Variants in SLC30A4 observed in about 807,000 individuals in gnomAD.
SLC30A4 encodes probable proton-coupled zinc antiporter SLC30A4.
Under a neutral mutation model 41.7 loss-of-function variants are expected in SLC30A4, and 20 were observed. The observed-to-expected ratio is 0.48, with a 90% CI of 0.34 to 0.70. The LOEUF is 0.70. Among genes scored for constraint, SLC30A4 ranks in the 30% least tolerant of loss-of-function variants. The probability of loss-of-function intolerance (pLI) is 0.01; values close to 1 mark genes in which losing one functional copy is unlikely to be tolerated. For synonymous variants in SLC30A4, 181 were observed against 195.9 expected, an observed-to-expected ratio of 0.92 and a Z score of 0.64; for missense variants, 441 against 529.3, an observed-to-expected ratio of 0.83 and a Z score of 1.64.
Position 45,522,094 on chromosome 15 carries a change from C to CCTT in SLC30A4, c.260_261insAAG (p.Gln87_Leu88insArg). ...CACAGGAGTCCACCTTCAAACTCAG[C>CCTT]TGACTGTTGGTCAAAGGTAAGTCTT... On this transcript the variant is annotated inframe_insertion, in exon 2 of 8. Coordinates refer to ENST00000261867, the MANE Select transcript of SLC30A4 (RefSeq NM_013309.6). The CCTT allele has an allele frequency of 6.2e-7, 1 of 1,614,234 alleles. No individual in the cohort carries two copies. The highest frequency in any genetic ancestry group is 8.5e-7 in the Non-Finnish European group (1 of 1,180,044).
At chr15:45,503,143 G>A (rs776515053) in intron 3 of SLC30A4, among the ~76,000 whole-genome samples, 4 of 151,570 alleles carry the variant, frequency 2.6e-5, no homozygotes, top group Non-Finnish European at 5.9e-5. Flanking sequence ...TTAGATACAT[G>A]TATCAGCTGT....
chr15:45,490,629 T>A (rs374718634), intron 4 of SLC30A4, 99 bp downstream of exon 4: 2 of 738,842 alleles, frequency 2.7e-6, no homozygotes, highest in African/African-American at 1.8e-5. Flanking sequence ...ATATCATTTT[T>A]AAAATATCAA....
At chr15:45,513,359 C>T (rs1401635054) in intron 2 of SLC30A4, among the ~76,000 whole-genome samples, 1 of 151,544 alleles carries the variant, frequency 6.6e-6, no homozygotes. Context: ...GCATGTACCA[C>T]CATGCTCAGC....
intron 7 of SLC30A4, among the ~76,000 whole-genome samples, chr15:45,486,008 C>T (rs1891696486): frequency 2.0e-5 from 3 of 151,646 alleles, no homozygotes; most frequent in South Asian, 2.1e-4. Context: ...CGTGAGTCAA[C>T]GCGCCAGGCC....
chr15:45,485,691 T>C (rs929818301), intron 7 of SLC30A4, among the ~76,000 whole-genome samples: 9 of 152,022 alleles, frequency 5.9e-5, no homozygotes, highest in Middle Eastern at 3.4e-3. Context: ...TTTTCCTATG[T>C]AGAAAAGAGC....
intron 2 of SLC30A4, among the ~76,000 whole-genome samples, chr15:45,518,094 G>C (rs927238866): frequency 2.6e-5 from 4 of 152,230 alleles, no homozygotes; most frequent in African/African-American, 9.6e-5. Flanking sequence ...ACACATTGAA[G>C]CCAAACTGGC....
rs1439813601 is a variant in SLC30A4 at position 45,522,309 on chromosome 15, T to C, written c.46A>G (p.Lys16Glu). The stretch of plus-strand genomic sequence containing the variant: ...TTTAAAAACAGCGGCGCATCATCCT[T>C]CCTTAGCATAGATTTGAGGCGCTTC... ...AWKRLKSMLR[K>E]DDAPLFLNDT... is the part of the protein sequence containing the mutation. The change falls in exon 2 of 8, where the codon AAG (lysine) becomes GAG (glutamate). Residue 16 changes from lysine to glutamate, a missense_variant. By Grantham distance (56) the Lys-to-Glu change is moderately conservative. Coordinates refer to ENST00000261867, the MANE Select transcript of SLC30A4 (RefSeq NM_013309.6). 1.9e-6 allele frequency: 3 copies of C among 1,613,872 alleles called. No individual in the cohort carries two copies. Among genetic ancestry groups the C allele is most frequent in the Non-Finnish European group, 2.5e-6 (3 of 1,179,976 alleles).
chr15:45,488,962 G>A lies in SLC30A4; in HGVS notation c.773C>T (p.Ser258Phe). 1 of 1,614,122 alleles carries A rather than the reference G, an allele frequency of 6.2e-7. No individual in the cohort carries two copies. The highest frequency in any genetic ancestry group is 8.5e-7 in the Non-Finnish European group (1 of 1,179,978). ...CTGCCCATGGTTACGTTCACACCCA[G>A]AACCTCTGGTAGGGGAATTTGAAGG... is the stretch of plus-strand genomic sequence containing the variant. ...SLPSNSPTRG[S>F]GCERNHGQDS... is the part of the protein sequence containing the mutation. Residue 258 changes from serine (S) to phenylalanine (F), a missense_variant, in exon 5 of 8, where the codon TCT becomes TTT. Coordinates refer to ENST00000261867, the MANE Select transcript of SLC30A4 (RefSeq NM_013309.6).
chr15:45,511,402 A>G, intron 2 of SLC30A4, 118 bp from the exon 3 acceptor site: 1 of 622,112 alleles, frequency 1.6e-6, no homozygotes, highest in Non-Finnish European at 2.6e-6. Flanking sequence ...TCTTTATCCC[A>G]TTACAATTAA....
chr15:45,507,357 T>TA (rs778693344), intron 3 of SLC30A4, among the ~76,000 whole-genome samples: 20 of 147,004 alleles, frequency 1.4e-4, no homozygotes, highest in Middle Eastern at 3.5e-3. Context: ...AATAAATAAA[T>TA]AATAAATTTC....
intron 3 of SLC30A4, among the ~76,000 whole-genome samples, chr15:45,503,144 T>C (rs1892075766): frequency 6.6e-6 from 1 of 152,114 alleles, no homozygotes; most frequent in Non-Finnish European, 1.5e-5. Context: ...TAGATACATG[T>C]ATCAGCTGTA....
intron 3 of SLC30A4, among the ~76,000 whole-genome samples, chr15:45,507,239 G>C (rs1461990570): frequency 6.6e-6 from 1 of 151,712 alleles, no homozygotes; most frequent in Non-Finnish European, 1.5e-5. Context: ...AGAATCACTT[G>C]AACCTGGGAA....
intron 4 of SLC30A4, 35 bp downstream of exon 4, chr15:45,490,693 C>T: frequency 1.3e-6 from 2 of 1,482,946 alleles, no homozygotes; most frequent in Non-Finnish European, 1.8e-6. Context: ...GTTCACAGTA[C>T]TTGAAAATAT....
intron 4 of SLC30A4, 139 bp from the exon 5 acceptor site, chr15:45,489,181 T>TAGG: frequency 1.5e-6 from 1 of 670,218 alleles, no homozygotes. Flanking sequence ...AGTACTGTTC[T>TAGG]AGGTACTTGG....
At position 45,489,625 on chromosome 15, in the gene SLC30A4, G is replaced by T. The variant is rs183500180; in HGVS notation, c.693-583C>A. Reference sequence around the variant, plus strand: ...TTACATTCAGGGACTGTTGTGGGGTGGGGGGAGGGGGGAGGGATAGCATTA... The same window carrying T: ...TTACATTCAGGGACTGTTGTGGGGTTGGGGGAGGGGGGAGGGATAGCATTA... On this transcript the variant is annotated intron_variant, in intron 4 of 7. Transcript: ENST00000261867. 6.5e-5 allele frequency among the ~76,000 whole-genome samples: 7 copies of T among 107,518 alleles called. No homozygotes were observed. In the East Asian group the frequency reaches 2.0e-3, roughly 31 times the overall value. 70.5% of individuals were successfully genotyped at this position (107,518 alleles called of 152,430 possible).
At chr15:45,497,893 TATTC>T (rs1891940209) in intron 3 of SLC30A4, among the ~76,000 whole-genome samples, 1 of 152,188 alleles carries the variant, frequency 6.6e-6, no homozygotes, top group Non-Finnish European at 1.5e-5. Context: ...CCTATACTAT[TATTC>T]ATTCATTCAA....
intron 3 of SLC30A4, among the ~76,000 whole-genome samples, chr15:45,496,853 A>ATAAC (rs1555391481): frequency 1.3e-5 from 2 of 148,598 alleles, no homozygotes; most frequent in Non-Finnish European, 3.0e-5. Context: ...AAATAAATAA[A>ATAAC]TAAATAAATA....
intron 3 of SLC30A4, 50 bp downstream of exon 3, chr15:45,511,088 G>A: frequency 2.1e-6 from 3 of 1,429,982 alleles, no homozygotes; most frequent in Non-Finnish European, 2.9e-6. Flanking sequence ...ATAGTTCATT[G>A]TGGTTTTACT....
intron 2 of SLC30A4, among the ~76,000 whole-genome samples, chr15:45,520,463 C>A (rs1180630113): frequency 1.3e-5 from 2 of 152,010 alleles, no homozygotes; most frequent in Non-Finnish European, 1.5e-5. Context: ...TTAGTAGAGA[C>A]AAGGTTTCAC....
Sources: gnomAD v4.1 joint callset for allele counts (sites outside exome capture counted in the v4.1 genomes callset) on GRCh38, gnomAD v4.1.1 for gene constraint, MANE v1.5 for transcripts, NCBI Gene and HGNC (gene_info 2026-07-23, HGNC 2026-07-21) for gene names.